The following SLC35D2 variants were observed in gnomAD, a reference collection of about 807,000 sequenced individuals.
SLC35D2 encodes the protein nucleotide sugar transporter SLC35D2.
In SLC35D2, 43 loss-of-function variants were observed where a neutral mutation model predicts 41.8. The ratio of observed to expected loss-of-function variants is 1.03; its 90% confidence interval spans 0.81 to 1.33. The LOEUF is 1.33. Among genes scored for constraint, SLC35D2 ranks in the 40% most tolerant of loss-of-function variants. The pLI is 0.00. For missense variants in SLC35D2, 380 were observed against 408.4 expected, an observed-to-expected ratio of 0.93 and a Z score of 0.60; for synonymous variants, 150 against 163.9, an observed-to-expected ratio of 0.92 and a Z score of 0.65.
intron 1 of SLC35D2, among the ~76,000 whole-genome samples, chr9:96,383,046 T>C (rs1488714385): frequency 6.6e-6 from 1 of 152,226 alleles, no homozygotes; most frequent in Non-Finnish European, 1.5e-5. Flanking sequence ...TTCCCGAGTT[T>C]TCCATGAACA....
Position 96,351,106 on chromosome 9 carries a change from G to A in SLC35D2, c.485C>T (p.Ala162Val), listed in dbSNP as rs776375457. Residue 162 changes from alanine (A) to valine (V), a missense_variant, in exon 6 of 12, where the codon GCT becomes GTT. Coordinates refer to ENST00000253270, the MANE Select transcript of SLC35D2 (RefSeq NM_007001.3). ...FAIILGAFIA[A>V]GSDLAFNLEG... Reference sequence around the variant, plus strand: ...CAGAAACAGTCCAAAGTCTTACCCAGCTGCTATGAAAGCCCCGAGAATAAT... The same window carrying A: ...CAGAAACAGTCCAAAGTCTTACCCAACTGCTATGAAAGCCCCGAGAATAAT... The A allele has an allele frequency of 6.2e-7, 1 of 1,609,366 alleles. No individual in the cohort carries two copies. Among genetic ancestry groups the A allele is most frequent in the South Asian group, 1.1e-5 (1 of 90,982 alleles).
intron 9 of SLC35D2, among the ~76,000 whole-genome samples, chr9:96,333,963 T>C (rs896425387): frequency 2.6e-5 from 4 of 152,126 alleles, no homozygotes; most frequent in African/African-American, 7.2e-5. Context: ...AAATAAGAGA[T>C]GGTTTGACAA....
At chr9:96,370,430 G>A (rs1023491705) in intron 1 of SLC35D2, among the ~76,000 whole-genome samples, 2 of 152,208 alleles carry the variant, frequency 1.3e-5, no homozygotes, top group African/African-American at 4.8e-5. Context: ...GCCAAGGTGA[G>A]CAGATCACCT....
chr9:96,353,988 G>A (rs942565289), intron 4 of SLC35D2, among the ~76,000 whole-genome samples: 1 of 152,178 alleles, frequency 6.6e-6, no homozygotes, highest in Non-Finnish European at 1.5e-5. Flanking sequence ...TGCATCCAGA[G>A]AGCAGCTGCA....
intron 7 of SLC35D2, 43 bp from the exon 8 acceptor site, chr9:96,344,039 T>TG: frequency 7.7e-7 from 1 of 1,303,196 alleles, no homozygotes; most frequent in Non-Finnish European, 1.1e-6. Flanking sequence ...TTCAGAAACG[T>TG]GAGGCACAGA....
At chr9:96,355,742 CTG>C in intron 4 of SLC35D2, among the ~76,000 whole-genome samples, 1 of 152,092 alleles carries the variant, frequency 6.6e-6, no homozygotes, top group Non-Finnish European at 1.5e-5. Context: ...GGTGATCCAC[CTG>C]CCTTGGCCTC....
At chr9:96,365,792 T>C (rs1243295748) in intron 2 of SLC35D2, among the ~76,000 whole-genome samples, 3 of 152,184 alleles carry the variant, frequency 2.0e-5, no homozygotes, top group African/African-American at 4.8e-5. Flanking sequence ...TATTATGAAA[T>C]AAAAATTTAA....
At chr9:96,380,522 A>C (rs1264408105) in intron 1 of SLC35D2, among the ~76,000 whole-genome samples, 2 of 149,550 alleles carry the variant, frequency 1.3e-5, no homozygotes, top group African/African-American at 2.5e-5. Flanking sequence ...CAGTGGTGTG[A>C]TCTCAGCTCA....
intron 3 of SLC35D2, among the ~76,000 whole-genome samples, chr9:96,362,271 G>T (rs1330007201): frequency 6.6e-6 from 1 of 152,202 alleles, no homozygotes; most frequent in Non-Finnish European, 1.5e-5. Flanking sequence ...ACTTTGGGAG[G>T]CCAAGGCGGG....
At chr9:96,366,861 T>C (rs1462998316) in intron 2 of SLC35D2, among the ~76,000 whole-genome samples, 1 of 151,858 alleles carries the variant, frequency 6.6e-6, no homozygotes, top group African/African-American at 2.4e-5. Context: ...AAAATTCTTG[T>C]TATGATTGTT....
rs140416652 is a variant in SLC35D2, at chr9:96,339,688, T to C, written c.685-2904A>G. Among the ~76,000 whole-genome samples, 20 of 152,304 alleles carry C rather than the reference T, an allele frequency of 1.3e-4. No individual in the cohort carries two copies. In the East Asian group the frequency reaches 3.9e-3, roughly 29 times the overall value. On this transcript the variant is annotated intron_variant, in intron 8 of 11. Coordinates refer to ENST00000253270, the MANE Select transcript of SLC35D2 (RefSeq NM_007001.3). ...TTATCTCTATTCATCAACTGTAATA[T>C]ACTAGATGTACTTTGAACCTATTGC...
intron 1 of SLC35D2, 31 bp from the exon 2 acceptor site, chr9:96,368,336 G>A (rs1229538230): frequency 1.3e-6 from 2 of 1,581,442 alleles, no homozygotes; most frequent in Non-Finnish European, 1.7e-6. Flanking sequence ...CAAATCAGTT[G>A]AGCAAATATA....
intron 4 of SLC35D2, among the ~76,000 whole-genome samples, chr9:96,357,954 G>C (rs796370665): frequency 6.6e-6 from 1 of 151,616 alleles, no homozygotes; most frequent in African/African-American, 2.4e-5. Flanking sequence ...CAGGAGAATC[G>C]CTTGAGCCCA....
At chr9:96,383,438 G>A in intron 1 of SLC35D2, 39 bp downstream of exon 1, 2 of 1,403,164 alleles carry the variant, frequency 1.4e-6, no homozygotes, top group Non-Finnish European at 1.9e-6. Flanking sequence ...GGGCAGCCCC[G>A]CACTCCCGCA....
chr9:96,367,219 CAAAA>C (rs1171888357), intron 2 of SLC35D2, among the ~76,000 whole-genome samples: 3 of 70,996 alleles, frequency 4.2e-5, no homozygotes, highest in Admixed American at 1.7e-4. Flanking sequence ...GACTCAGTCA[CAAAA>C]AAAAAAAAAA....
At chr9:96,369,259 T>TA (rs1464305158) in intron 1 of SLC35D2, among the ~76,000 whole-genome samples, 2 of 152,126 alleles carry the variant, frequency 1.3e-5, no homozygotes, top group Admixed American at 1.3e-4. Context: ...GGCATCTGTA[T>TA]AAAAAATTAT....
chr9:96,364,636 T>C lies in SLC35D2; in HGVS notation c.193-86A>G. ...ATGACATCATCAAAAGAAAACACAT[T>C]CATCAAAAAGAAATATAGCAAAAAA... On this transcript the variant is annotated intron_variant, in intron 2 of 11. Transcript: ENST00000253270. 4 of 789,570 alleles carry C rather than the reference T, an allele frequency of 5.1e-6. No homozygotes were observed. In the South Asian group the frequency reaches 5.9e-5, roughly 12 times the overall value. The allele number at this position is 789,570 out of a possible 1,614,324, so 48.9% of individuals were successfully genotyped here. A position where few individuals can be genotyped will look rare whatever the true frequency, so the allele number is the denominator to read the frequency against.
intron 6 of SLC35D2, among the ~76,000 whole-genome samples, chr9:96,349,613 C>T (rs1829727345): frequency 1.3e-5 from 2 of 152,184 alleles, no homozygotes; most frequent in Non-Finnish European, 2.9e-5. Context: ...ACAACCTCCA[C>T]TTCCCAGGTT....
intron 3 of SLC35D2, 80 bp from the exon 4 acceptor site, chr9:96,360,301 A>T: frequency 8.3e-6 from 9 of 1,090,324 alleles, no homozygotes; most frequent in Non-Finnish European, 1.1e-5. Flanking sequence ...ATGGTGACAG[A>T]TACTTCACCA....
Sources: gnomAD v4.1 joint callset for allele counts (sites outside exome capture counted in the v4.1 genomes callset) on GRCh38, gnomAD v4.1.1 for gene constraint, MANE v1.5 for transcripts, NCBI Gene and HGNC (gene_info 2026-07-23, HGNC 2026-07-21) for gene names.